The following MDN1 variants were observed in gnomAD, a reference collection of about 807,000 sequenced individuals.
The protein encoded by MDN1 is midasin.
A neutral mutation model predicts 669.2 loss-of-function variants in MDN1; 266 were observed. The ratio of observed to expected loss-of-function variants is 0.40; its 90% CI spans 0.36 to 0.44. The LOEUF (loss-of-function observed/expected upper bound fraction) is 0.44, where lower values mean the gene tolerates loss of function less well. MDN1 is among the 20% of genes least tolerant of loss of function. The pLI is 1.00. For missense variants in MDN1, 5,940 were observed against 6,754.0 expected (o/e 0.88, Z 4.22); for synonymous variants, 2,385 against 2,457.1 (o/e 0.97, Z 0.87).
At chr6:89,683,005 T>C in intron 73 of MDN1, 127 bp downstream of exon 73, 1 of 953,528 alleles carries the variant, frequency 1.0e-6, no homozygotes, top group South Asian at 1.7e-5. Flanking sequence ...ATACATGCTA[T>C]ATATGTCCAA....
chr6:89,815,073 C>A, intron 1 of MDN1: 1 of 464,076 alleles, frequency 2.2e-6, no homozygotes, highest in East Asian at 5.1e-5. Flanking sequence ...AGTGTCTCCC[C>A]AACTCACAGC....
At chr6:89,773,459 G>A (rs769343850) in intron 13 of MDN1, among the ~76,000 whole-genome samples, 24 of 149,788 alleles carry the variant, frequency 1.6e-4, no homozygotes, top group Non-Finnish European at 2.5e-4. Flanking sequence ...AGAATCACTT[G>A]AACCCTGGAG....
intron 26 of MDN1, 68 bp downstream of exon 26, chr6:89,749,155 C>T (rs994152223): frequency 1.4e-6 from 2 of 1,402,426 alleles, no homozygotes; most frequent in South Asian, 3.0e-5. Flanking sequence ...ATTCTTTTTT[C>T]TAACAAAAGA....
intron 46 of MDN1, among the ~76,000 whole-genome samples, 162 bp from the exon 47 acceptor site, chr6:89,713,458 A>C (rs531376081): frequency 6.6e-6 from 1 of 152,286 alleles, no homozygotes; most frequent in South Asian, 2.1e-4. Flanking sequence ...CCGAGGGCAC[A>C]AAGGACCTGT....
chr6:89,750,462 C>T lies in MDN1; in HGVS notation c.3298G>A (p.Ala1100Thr), dbSNP rs142411992. ...ATACGCACACAGTGGTTGCCAGTAG[C>T]TGCAGCCAGCCACTGGATCAGGCTT... The part of the protein sequence containing the change: ...KTSLIQWLAA[A>T]TGNHCVRINN... The change falls in exon 24 of 102, where the codon GCT becomes ACT. Residue 1100 changes from alanine to threonine, a missense_variant. By Grantham distance (58) the Ala-to-Thr change is moderately conservative. Transcript: ENST00000369393. 140 of 1,614,062 alleles carry T rather than the reference C, an allele frequency of 8.7e-5. 1 individual carries two copies. In the African/African-American group the frequency reaches 1.7e-3, roughly 20 times the overall value.
At position 89,678,734 on chromosome 6, in the gene MDN1, A is replaced by G. The variant is rs188558790; in HGVS notation, c.12277T>C (p.Ser4093Pro). 29 of 1,612,266 alleles carry G rather than the reference A, an allele frequency of 1.8e-5. No homozygotes were observed. The East Asian group carries it at 6.2e-4, about 35-fold the overall frequency. Reference sequence around the variant, plus strand: ...AAGCTCTGCAGCTCACTCACAGAGGAAATCACTTCACCTGTAAGGGAAAAC... The same window carrying G: ...AAGCTCTGCAGCTCACTCACAGAGGGAATCACTTCACCTGTAAGGGAAAAC... ...GLDQFTGEVI[S>P]SVSELQSLKV... Residue 4093 changes from serine (S) to proline (P), a missense_variant, in exon 75 of 102, where the codon TCC (serine) becomes CCC (proline). Ser to Pro is a moderately conservative substitution (Grantham distance 74). Coordinates refer to ENST00000369393, the MANE Select transcript of MDN1 (RefSeq NM_014611.3).
intron 5 of MDN1, among the ~76,000 whole-genome samples, chr6:89,792,637 G>T (rs1732360232): frequency 6.6e-6 from 1 of 151,624 alleles, no homozygotes; most frequent in Non-Finnish European, 1.5e-5. Context: ...CTACACTTAT[G>T]ACAATGTGCA....
chr6:89,783,841 G>A (rs1283295598), intron 9 of MDN1, among the ~76,000 whole-genome samples: 1 of 152,106 alleles, frequency 6.6e-6, no homozygotes, highest in South Asian at 2.1e-4. Flanking sequence ...TATTGGGGGT[G>A]GGTTACCCCA....
chr6:89,749,205 C>A lies in MDN1; in HGVS notation c.3762+18G>T, dbSNP rs758571380. ...GATCACCAAGTATAATCAATACATT[C>A]CATTTGAAACTAAGTACCTGAAGAT... is the stretch of plus-strand genomic sequence containing the variant. On this transcript the variant is annotated intron_variant, in intron 26 of 101. Transcript: ENST00000369393. 4 of 1,611,892 alleles carry A rather than the reference C, an allele frequency of 2.5e-6. No homozygotes were observed.
rs759363768 is a variant in MDN1 at position 89,675,417 on chromosome 6, C to G, written c.12761+47G>C. On this transcript the variant is annotated intron_variant, in intron 78 of 101. Transcript: ENST00000369393. ...GCAGCAACTCTGAGCTGACTTGGAT[C>G]TAATTCTTCCCAATTCATGCCACAA... 11 of 1,517,972 alleles carry G rather than the reference C, an allele frequency of 7.2e-6. No individual in the cohort carries two copies. In the African/African-American group the frequency reaches 1.2e-4, roughly 17 times the overall value. 94.0% of individuals were successfully genotyped at this position (1,517,972 alleles called of 1,614,324 possible). A position where few individuals can be genotyped will look rare whatever the true frequency, so the allele number is the denominator to read the frequency against.
chr6:89,657,005 T>C (rs957837555), intron 90 of MDN1, among the ~76,000 whole-genome samples: 2 of 152,208 alleles, frequency 1.3e-5, no homozygotes, highest in African/African-American at 2.4e-5. Context: ...GTACAGACCT[T>C]ATGTTAACCT....
At chr6:89,654,056 CCATGGATTAGGA>C (rs1809074900) in intron 93 of MDN1, 96 bp downstream of exon 93, 2 of 1,272,940 alleles carry the variant, frequency 1.6e-6, no homozygotes, top group Non-Finnish European at 2.2e-6. Flanking sequence ...TTCATCTAAG[CCATGGATTAGGA>C]CATGGAACTG....
At chr6:89,684,021 T>TTTG in intron 71 of MDN1, 117 bp from the exon 72 acceptor site, 4 of 761,478 alleles carry the variant, frequency 5.3e-6, no homozygotes, top group Non-Finnish European at 8.9e-6. Context: ...CAGGACTGTG[T>TTTG]GTCAGTGAAC....
At chr6:89,747,498 G>C in intron 26 of MDN1, 28 bp from the exon 27 acceptor site, 1 of 1,602,880 alleles carries the variant, frequency 6.2e-7, no homozygotes, top group Non-Finnish European at 8.5e-7. Flanking sequence ...CAAATGAAAA[G>C]GGGCATCAGC....
chr6:89,725,988 T>C (rs1815209629), intron 37 of MDN1, among the ~76,000 whole-genome samples: 1 of 151,558 alleles, frequency 6.6e-6, no homozygotes, highest in Admixed American at 6.6e-5. Flanking sequence ...CACACATATA[T>C]TAATAATCTT....
At chr6:89,680,809 A>T (rs1328003436) in intron 73 of MDN1, 58 bp from the exon 74 acceptor site, 1 of 1,564,518 alleles carries the variant, frequency 6.4e-7, no homozygotes, top group Non-Finnish European at 8.7e-7. Context: ...GTGTCCCTGC[A>T]AGGGAACTAA....
intron 37 of MDN1, 37 bp downstream of exon 37, chr6:89,727,796 T>C (rs1815331464): frequency 3.7e-6 from 6 of 1,612,924 alleles, no homozygotes; most frequent in Middle Eastern, 1.7e-4. Flanking sequence ...CTCACACACA[T>C]GATCACCGTC....
chr6:89,769,252 A>G (rs1817967031), intron 15 of MDN1, among the ~76,000 whole-genome samples: 1 of 152,134 alleles, frequency 6.6e-6, no homozygotes, highest in South Asian at 2.1e-4. Flanking sequence ...CTTTTTAAAA[A>G]CTTTTTGGTA....
At chr6:89,718,153 C>T (rs1178023988) in intron 43 of MDN1, among the ~76,000 whole-genome samples, 2 of 152,118 alleles carry the variant, frequency 1.3e-5, no homozygotes, top group African/African-American at 2.4e-5. Flanking sequence ...CATAAAGCAA[C>T]GTAACCAATT....
Sources: gnomAD v4.1 joint callset for allele counts (sites outside exome capture counted in the v4.1 genomes callset) on GRCh38, gnomAD v4.1.1 for gene constraint, MANE v1.5 for transcripts, NCBI Gene and HGNC (gene_info 2026-07-23, HGNC 2026-07-21) for gene names.